The following APBA3 variants were observed in gnomAD, a reference collection of about 807,000 sequenced individuals.
APBA3 encodes amyloid beta precursor protein binding family A member 3, also known as amyloid-beta A4 precursor protein-binding family A member 3.
A neutral mutation model predicts 55.9 loss-of-function variants in APBA3; 45 were observed. That is an observed-to-expected ratio of 0.80 (90% CI 0.63 to 1.03). The LOEUF (loss-of-function observed/expected upper bound fraction) is 1.03. APBA3 is among the 50% of genes least tolerant of loss of function. The probability of loss-of-function intolerance (pLI) is 0.00; values close to 1 mark genes in which losing one functional copy is unlikely to be tolerated. For synonymous variants in APBA3, 370 were observed against 353.3 expected (o/e 1.05, Z -0.53); for missense variants, 865 against 820.3 (o/e 1.05, Z -0.67).
At chr19:3,756,582 G>C (rs1457562630) in intron 3 of APBA3, 1 of 152,176 alleles carries the variant, frequency 6.6e-6, no homozygotes, top group East Asian at 1.9e-4. Context: ...TCTTAGCCAG[G>C]TATGGTGGCG....
rs1192988639 is a variant in APBA3, at chr19:3,751,225, G to A, written c.1620C>T (p.Ala540=). The A allele has an allele frequency of 6.5e-7, 1 of 1,549,088 alleles. No individual in the cohort carries two copies. The change falls in exon 10 of 11, where the codon GCC becomes GCT. Residue 540 remains alanine, a synonymous_variant. Coordinates refer to ENST00000316757, the MANE Select transcript of APBA3 (RefSeq NM_004886.4). Reference sequence around the variant, plus strand: ...CCTCGGTGAGCAGCTCGATGATGCGGGCGTGTGGCGTGGCCACCACACTCT... The same window carrying A: ...CCTCGGTGAGCAGCTCGATGATGCGAGCGTGTGGCGTGGCCACCACACTCT... The part of the protein sequence containing the change: ...NGQSVVATPH[A]RIIELLTEAY...
In APBA3 at chr19:3,754,334, C is replaced by T; in HGVS notation, c.623G>A (p.Gly208Asp). The change falls in exon 4 of 11, where the codon GGT (glycine) becomes GAT (aspartate). Residue 208 changes from glycine to aspartate, a missense_variant. Gly to Asp is a moderately conservative substitution (Grantham distance 94). Transcript: ENST00000316757. ...ASYPAPQEVP[G>D]PCDHEDLLDG... ...CAGGAGGTCTTCATGGTCACAGGGA[C>T]CAGGCACTGAGGGCGACAGCGAAGA... 3 of 1,558,960 alleles carry T rather than the reference C, an allele frequency of 1.9e-6. No individual in the cohort carries two copies. The highest frequency in any genetic ancestry group is 2.6e-6 in the Non-Finnish European group (3 of 1,154,102).
At position 3,751,264 on chromosome 19, in the gene APBA3, A is replaced by G. The variant is rs1040773212; in HGVS notation, c.1581T>C (p.Ile527=). 6.5e-7 allele frequency: 1 copy of G among 1,544,714 alleles called. No homozygotes were observed. Among genetic ancestry groups the G allele is most frequent in the South Asian group, 1.2e-5 (1 of 84,104 alleles). The change falls in exon 10 of 11, where the codon ATT becomes ATC. Residue 527 remains isoleucine (I), a synonymous_variant. Coordinates refer to ENST00000316757, the MANE Select transcript of APBA3 (RefSeq NM_004886.4). Reference sequence around the variant, plus strand: ...CCACCACACTCTGCCCATTGATCTCAATGATGCGGTGGCCGACGCGGATGC... The same window carrying G: ...CCACCACACTCTGCCCATTGATCTCGATGATGCGGTGGCCGACGCGGATGC... The part of the protein sequence containing the change: ...RGGIRVGHRI[I]EINGQSVVAT...
At chr19:3,760,664 G>A (rs565181115) in intron 1 of APBA3, among the ~76,000 whole-genome samples, 3 of 151,246 alleles carry the variant, frequency 2.0e-5, no homozygotes, top group African/African-American at 4.9e-5. Context: ...CAGGAGAATC[G>A]CCTGAACCCG....
chr19:3,752,712 G>A lies in APBA3; in HGVS notation c.1191C>T (p.Leu397=), dbSNP rs369816501. ...SNSDNCREVH[L]EKRRGEGLGV... is the part of the protein sequence containing the mutation. ...CCAGGCCCTCCCCTCGCCGCTTCTCGAGGTGCACCTGGGACACACAGGGGG... is the reference window on the plus strand; with the variant it reads ...CCAGGCCCTCCCCTCGCCGCTTCTCAAGGTGCACCTGGGACACACAGGGGG... The change falls in exon 8 of 11, where the codon CTC becomes CTT. Residue 397 remains leucine, a synonymous_variant. Transcript: ENST00000316757. 3,997 of 1,599,918 alleles carry A rather than the reference G, an allele frequency of 2.5e-3. 7 individuals are homozygous for A. The highest frequency in any genetic ancestry group is 2.8e-3 in the Non-Finnish European group (3,284 of 1,176,800).
At chr19:3,754,381 C>A (rs1030596687) in intron 3 of APBA3, 41 bp from the exon 4 acceptor site, 5 of 1,527,884 alleles carry the variant, frequency 3.3e-6, no homozygotes, top group Non-Finnish European at 4.4e-6. Flanking sequence ...CAGGGGCCCA[C>A]TCCCACAGGC....
intron 3 of APBA3, among the ~76,000 whole-genome samples, 171 bp downstream of exon 3, chr19:3,759,390 G>A (rs961278340): frequency 2.0e-5 from 3 of 152,122 alleles, no homozygotes; most frequent in Admixed American, 6.6e-5. Flanking sequence ...ACTCTACCCC[G>A]TTCTCAAGGC....
chr19:3,754,084 G>T lies in APBA3; in HGVS notation c.784C>A (p.Pro262Thr). 1 of 1,608,488 alleles carries T rather than the reference G, an allele frequency of 6.2e-7. No homozygotes were observed. The highest frequency in any genetic ancestry group is 8.5e-7 in the Non-Finnish European group (1 of 1,177,682). Reference protein sequence around the residue: ...RVKAPDGETQPMTEVDLFVST... With the variant: ...RVKAPDGETQTMTEVDLFVST... ...ACGAACAGGTCCACCTCCGTCATGG[G>T]CTGGGTCTCCCCATCGGGGGCCTGT... The change falls in exon 5 of 11, where the codon CCC becomes ACC. Residue 262 changes from proline to threonine, a missense_variant. Physicochemically the swap from Pro to Thr is conservative, Grantham distance 38. Coordinates refer to ENST00000316757, the MANE Select transcript of APBA3 (RefSeq NM_004886.4).
At chr19:3,755,563 G>GCGGGGGT (rs796213984) in intron 3 of APBA3, 1 of 109,174 alleles carries the variant, frequency 9.2e-6, no homozygotes, top group African/African-American at 2.9e-5. Flanking sequence ...GGAGGCCGGG[G>GCGGGGGT]GGGGGGGGTG....
At chr19:3,751,138 G>A in intron 10 of APBA3, 41 bp from the exon 11 acceptor site, 1 of 1,558,310 alleles carries the variant, frequency 6.4e-7, no homozygotes, top group Non-Finnish European at 8.7e-7. Flanking sequence ...GCAGGCCTGG[G>A]CTCGTGGGGG....
chr19:3,760,014 T>A lies in APBA3; in HGVS notation c.251A>T (p.His84Leu), dbSNP rs761867277. 2 of 1,612,636 alleles carry A rather than the reference T, an allele frequency of 1.2e-6. No homozygotes were observed. Among genetic ancestry groups the A allele is most frequent in the South Asian group, 2.2e-5 (2 of 91,046 alleles). The change falls in exon 2 of 11, where the codon CAC becomes CTC. Residue 84 changes from histidine to leucine, a missense_variant. Transcript: ENST00000316757. ...GGCCAGGCCATGGCCTGTGGCAATG[T>A]GTAGGGGACAGGGGGCTCCACCTGG... ...PSPGGAPCPLHIATGHGLASQ... is the reference protein window; with the variant it reads ...PSPGGAPCPLLIATGHGLASQ...
chr19:3,753,176 A>G, intron 6 of APBA3, 186 bp from the exon 7 acceptor site: 1 of 672,490 alleles, frequency 1.5e-6, no homozygotes, highest in Admixed American at 3.0e-5. Flanking sequence ...ATCTACGGGG[A>G]GAAGGAAGGG....
In APBA3 at chr19:3,752,667, C is replaced by T. The variant is rs766395163; in HGVS notation, c.1236G>A (p.Ser412=). The T allele has an allele frequency of 1.2e-5, 19 of 1,591,830 alleles. No homozygotes were observed. In the South Asian group the frequency reaches 1.3e-4, roughly 11 times the overall value. ...GEGLGVALVE[S]GWGSLLPTAV... is the part of the protein sequence containing the mutation. The stretch of plus-strand genomic sequence containing the variant: ...CTGTGGGCAGCAGGGAGCCCCAGCC[C>T]GACTCCACCAGGGCCACGCCCAGGC... Residue 412 remains serine (S), a synonymous_variant, in exon 8 of 11, where the codon TCG becomes TCA. Coordinates refer to ENST00000316757, the MANE Select transcript of APBA3 (RefSeq NM_004886.4).
chr19:3,755,527 C>T (rs1295148558), intron 3 of APBA3: 2 of 140,056 alleles, frequency 1.4e-5, no homozygotes, highest in Non-Finnish European at 3.0e-5. Flanking sequence ...GGTGCGGTGG[C>T]TCACGTCTGT....
At chr19:3,755,986 C>A (rs1253219419) in intron 3 of APBA3, 1 of 152,204 alleles carries the variant, frequency 6.6e-6, no homozygotes, top group South Asian at 2.1e-4. Context: ...TCACCCTACA[C>A]CACAGTCGGT....
In APBA3 at chr19:3,759,829, C is replaced by G. The variant is rs746003664; in HGVS notation, c.436G>C (p.Asp146His). 6.2e-7 allele frequency: 1 copy of G among 1,612,800 alleles called. No homozygotes were observed. The highest frequency in any genetic ancestry group is 1.1e-5 in the South Asian group (1 of 91,074). Residue 146 changes from aspartate to histidine, a missense_variant, in exon 2 of 11, where the codon GAT (aspartate) becomes CAT (histidine). Coordinates refer to ENST00000316757, the MANE Select transcript of APBA3 (RefSeq NM_004886.4). ...PRLLQPPEDPDEDSDSPEWVE... is the reference protein window; with the variant it reads ...PRLLQPPEDPHEDSDSPEWVE... Reference sequence around the variant, plus strand: ...CATTCTGGGGAGTCAGAATCCTCATCTGGGTCCTCAGGGGGCTGCAACAGT... The same window carrying G: ...CATTCTGGGGAGTCAGAATCCTCATGTGGGTCCTCAGGGGGCTGCAACAGT...
chr19:3,760,076 C>G lies in APBA3; in HGVS notation c.189G>C (p.Gln63His). ...DESSLQELVQ[Q>H]FEALPGDLVG... ...CCAGATCGCCTGGCAGAGCTTCAAA[C>G]TGCTGCACCAGCTCCTGAAGGCTTG... The change falls in exon 2 of 11, where the codon CAG becomes CAC. Residue 63 changes from glutamine (Q) to histidine (H), a missense_variant. Physicochemically the swap from Gln to His is conservative, Grantham distance 24. Transcript: ENST00000316757. 6.2e-7 allele frequency: 1 copy of G among 1,613,386 alleles called. No homozygotes were observed. Among genetic ancestry groups the G allele is most frequent in the Non-Finnish European group, 8.5e-7 (1 of 1,180,034 alleles).
At chr19:3,757,258 T>C (rs892167801) in intron 3 of APBA3, among the ~76,000 whole-genome samples, 1 of 151,910 alleles carries the variant, frequency 6.6e-6, no homozygotes, top group Admixed American at 6.6e-5. Context: ...GCCACGTGCC[T>C]GGCTAATTTT....
chr19:3,752,859 C>A lies in APBA3; in HGVS notation c.1143G>T (p.Gly381=), dbSNP rs2037026878. Residue 381 remains glycine (G), a synonymous_variant, in exon 7 of 11, where the codon GGG becomes GGT. Coordinates refer to ENST00000316757, the MANE Select transcript of APBA3 (RefSeq NM_004886.4). The part of the protein sequence containing the change: ...PSPGACHLHN[G]DLDHFSNSDN... ...CACTGTTGGAGAAGTGGTCCAGGTC[C>A]CCATTATGGAGGTGGCAGGCGCCTG... 6 of 1,613,434 alleles carry A rather than the reference C, an allele frequency of 3.7e-6. No individual in the cohort carries two copies. The highest frequency in any genetic ancestry group is 5.1e-6 in the Non-Finnish European group (6 of 1,179,886).
Sources: allele counts gnomAD v4.1 joint callset (sites outside exome capture counted in the v4.1 genomes callset), GRCh38; gene constraint gnomAD v4.1.1; transcripts MANE v1.5; gene names NCBI Gene and HGNC (gene_info 2026-07-23, HGNC 2026-07-21).